The following SLC23A2 variants were observed in gnomAD, a reference collection of about 807,000 sequenced individuals.
SLC23A2 encodes the protein solute carrier family 23 member 2.
Under a neutral mutation model 73.3 loss-of-function variants are expected in SLC23A2, and 36 were observed. That is an observed-to-expected ratio of 0.49 (90% CI 0.38 to 0.65). The LOEUF is 0.65. SLC23A2 is among the 30% of genes least tolerant of loss of function. The pLI, the probability that SLC23A2 is intolerant of heterozygous loss-of-function variation, is 0.00. For synonymous variants in SLC23A2, 343 were observed against 327.3 expected, an observed-to-expected ratio of 1.05 and a Z score of -0.52; for missense variants, 507 against 841.6, an observed-to-expected ratio of 0.60 and a Z score of 4.92.
Position 4,853,510 on chromosome 20 carries a change from A to G in SLC23A2, c.*3462T>C, listed in dbSNP as rs1045890956. 1 of 152,696 alleles carries G rather than the reference A, an allele frequency of 6.5e-6. No individual in the cohort carries two copies. Among genetic ancestry groups the G allele is most frequent in the African/African-American group, 2.4e-5 (1 of 41,468 alleles). 9.5% of individuals were successfully genotyped at this position (152,696 alleles called of 1,614,324 possible). A position where few individuals can be genotyped will look rare whatever the true frequency, so the allele number is the denominator to read the frequency against. ...GTATGGGTAAATAAAGTATACACACATACTAGAGATTCATCAATGGAGAAA... is the reference window on the plus strand; with the variant it reads ...GTATGGGTAAATAAAGTATACACACGTACTAGAGATTCATCAATGGAGAAA... On this transcript the variant is annotated 3_prime_UTR_variant, in exon 17 of 17. Coordinates refer to ENST00000338244, the MANE Select transcript of SLC23A2 (RefSeq NM_005116.6).
intron 15 of SLC23A2, among the ~76,000 whole-genome samples, chr20:4,861,107 T>C (rs1929948740): frequency 6.6e-6 from 1 of 152,148 alleles, no homozygotes; most frequent in South Asian, 2.1e-4. Context: ...ACATGCTAAG[T>C]GAAGGAAGCC....
At chr20:4,946,093 C>T (rs1316800510) in intron 2 of SLC23A2, among the ~76,000 whole-genome samples, 4 of 152,216 alleles carry the variant, frequency 2.6e-5, no homozygotes, top group African/African-American at 9.7e-5. Flanking sequence ...AATGTGCCAT[C>T]TCAGCCTTCT....
At chr20:4,876,464 C>T (rs942987426) in intron 9 of SLC23A2, among the ~76,000 whole-genome samples, 7 of 152,118 alleles carry the variant, frequency 4.6e-5, no homozygotes, top group Non-Finnish European at 8.8e-5. Flanking sequence ...TATTTTTATT[C>T]TCAAATACAC....
chr20:4,870,563 C>T (rs184668729), intron 11 of SLC23A2, among the ~76,000 whole-genome samples: 23 of 150,154 alleles, frequency 1.5e-4, no homozygotes, highest in East Asian at 1.2e-3. Context: ...GGTGATAGAG[C>T]GAGACTCCAT....
intron 3 of SLC23A2, among the ~76,000 whole-genome samples, chr20:4,913,813 G>GTTA (rs2122897649): frequency 6.6e-6 from 1 of 151,976 alleles, no homozygotes; most frequent in Non-Finnish European, 1.5e-5. Flanking sequence ...TATTAGTAGA[G>GTTA]ACGGGGTTTC....
At chr20:4,958,706 G>A (rs2087331546) in intron 2 of SLC23A2, among the ~76,000 whole-genome samples, 2 of 151,812 alleles carry the variant, frequency 1.3e-5, no homozygotes, top group Admixed American at 1.3e-4. Flanking sequence ...GGGATTATAG[G>A]TGTGAGCCAC....
In SLC23A2 at chr20:4,867,855, A is replaced by G; in HGVS notation, c.1271T>C (p.Leu424Pro). The part of the protein sequence containing the change: ...AINRGIFVEG[L>P]SCVLDGIFGT... ...AAATATGCCATCAAGAACACAGGAGAGGCCTTCCACGAAAATTCCCCTAAG... is the reference window on the plus strand; with the variant it reads ...AAATATGCCATCAAGAACACAGGAGGGGCCTTCCACGAAAATTCCCCTAAG... Residue 424 changes from leucine to proline, a missense_variant, in exon 13 of 17, where the codon CTC (leucine) becomes CCC (proline). Leu to Pro is a moderately conservative substitution (Grantham distance 98). This residue lies in a region of SLC23A2 where 168 missense variants were observed against 302.3 expected (regional missense o/e 0.56). Transcript: ENST00000338244. 1 of 1,607,348 alleles carries G rather than the reference A, an allele frequency of 6.2e-7. No individual in the cohort carries two copies. The highest frequency in any genetic ancestry group is 8.5e-7 in the Non-Finnish European group (1 of 1,174,080).
In SLC23A2 at chr20:4,862,609, A is replaced by T. The variant is rs1930013080; in HGVS notation, c.1486+169T>A. ...TATTGTTGGTTCCATATTTAATATAAATTCAACTCAGAGAGTGATAAAAGT... is the reference window on the plus strand; with the variant it reads ...TATTGTTGGTTCCATATTTAATATATATTCAACTCAGAGAGTGATAAAAGT... On this transcript the variant is annotated intron_variant, in intron 14 of 16. Transcript: ENST00000338244. The surrounding 1 kb of genome is among the most constrained non-coding windows in gnomAD (Gnocchi z 5.1). Among the ~76,000 whole-genome samples, 1 of 152,228 alleles carries T rather than the reference A, an allele frequency of 6.6e-6. No individual in the cohort carries two copies. Among genetic ancestry groups the T allele is most frequent in the African/African-American group, 2.4e-5 (1 of 41,464 alleles).
chr20:4,893,195 C>A (rs1338728497), intron 6 of SLC23A2, among the ~76,000 whole-genome samples: 1 of 152,038 alleles, frequency 6.6e-6, no homozygotes, highest in East Asian at 1.9e-4. Flanking sequence ...TCTCAAGTAG[C>A]TGGGACCACA....
intron 1 of SLC23A2, among the ~76,000 whole-genome samples, chr20:4,995,845 C>G (rs115174411): frequency 7.7e-4 from 117 of 152,278 alleles, no homozygotes; most frequent in African/African-American, 2.8e-3. Context: ...GACTGATCAA[C>G]GTGAAAGAAC....
chr20:4,859,243 T>TAAAAAAAAA, intron 16 of SLC23A2, 46 bp downstream of exon 16: 1 of 1,075,570 alleles, frequency 9.3e-7, no homozygotes. Flanking sequence ...AACACATATG[T>TAAAAAAAAA]TAAAAAATAA....
At chr20:4,987,778 G>T (rs2087855905) in intron 1 of SLC23A2, among the ~76,000 whole-genome samples, 2 of 151,744 alleles carry the variant, frequency 1.3e-5, no homozygotes, top group East Asian at 3.9e-4. Flanking sequence ...AACTCTGGAG[G>T]CGGAGCTTGC....
At chr20:5,010,013 T>A (rs1447574155) in intron 1 of SLC23A2, among the ~76,000 whole-genome samples, 1 of 146,976 alleles carries the variant, frequency 6.8e-6, no homozygotes, top group African/African-American at 2.5e-5. Context: ...GAGAATGGAC[T>A]GAACCCGGGA....
intron 3 of SLC23A2, 111 bp from the exon 4 acceptor site, chr20:4,913,089 G>C (rs1932215125): frequency 1.4e-6 from 1 of 740,598 alleles, no homozygotes; most frequent in Non-Finnish European, 2.4e-6. Flanking sequence ...GGTTTTGATG[G>C]AGAAACATAC....
chr20:4,869,924 G>T lies in SLC23A2; in HGVS notation c.1232C>A (p.Pro411His). The T allele has an allele frequency of 6.2e-7, 1 of 1,600,324 alleles. No homozygotes were observed. The highest frequency in any genetic ancestry group is 8.6e-7 in the Non-Finnish European group (1 of 1,168,122). ...CARLSCAPPP[P>H]IHAINRGIFV... ...AACGTACCTGTTTATTGCGTGGATG[G>T]GGGGGGGTGGGGCACAGGACAGCCG... The change falls in exon 12 of 17, where the codon CCC (proline) becomes CAC (histidine). Residue 411 changes from proline to histidine, a missense_variant. Pro to His is a moderately conservative substitution (Grantham distance 77). Coordinates refer to ENST00000338244, the MANE Select transcript of SLC23A2 (RefSeq NM_005116.6).
In SLC23A2 at chr20:4,902,431, A is replaced by G. The variant is rs1213064684; in HGVS notation, c.324+11T>C. On this transcript the variant is annotated intron_variant, in intron 5 of 16. Transcript: ENST00000338244. This position sits in a 1 kb window ranked among gnomAD's most constrained non-coding sequence, Gnocchi z 4.0. The stretch of plus-strand genomic sequence containing the variant: ...TGCTGGTAGTTACACATCCTACAGG[A>G]ACCATCTTACCTGTAGCCCCAGAAA... 13 of 1,398,952 alleles carry G rather than the reference A, an allele frequency of 9.3e-6. No individual in the cohort carries two copies. The highest frequency in any genetic ancestry group is 1.3e-5 in the Non-Finnish European group (13 of 991,412). 86.7% of individuals were successfully genotyped at this position (1,398,952 alleles called of 1,614,324 possible).
intron 1 of SLC23A2, among the ~76,000 whole-genome samples, chr20:4,975,196 C>T (rs2122238461): frequency 6.6e-6 from 1 of 152,198 alleles, no homozygotes; most frequent in South Asian, 2.1e-4. Flanking sequence ...TAGTTATTTC[C>T]CAGCCTTCCT....
intron 2 of SLC23A2, among the ~76,000 whole-genome samples, chr20:4,945,031 T>C (rs1409918934): frequency 1.3e-5 from 2 of 151,932 alleles, no homozygotes; most frequent in Non-Finnish European, 2.9e-5. Flanking sequence ...CTTCAACTTG[T>C]ATATGATCAA....
chr20:5,001,230 CG>C (rs1452102559), intron 1 of SLC23A2, among the ~76,000 whole-genome samples, 175 bp downstream of exon 1: 2 of 140,142 alleles, frequency 1.4e-5, no homozygotes, highest in Admixed American at 7.0e-5. Context: ...CCGGCGGGCG[CG>C]GGGTCCCGGG....
Sources: gnomAD v4.1 joint callset for allele counts (sites outside exome capture counted in the v4.1 genomes callset) on GRCh38, gnomAD v4.1.1 for gene constraint, gnomAD v4.1.1 regional missense constraint, Gnocchi (gnomAD v3.1) non-coding constraint, MANE v1.5 for transcripts, NCBI Gene and HGNC (gene_info 2026-07-23, HGNC 2026-07-21) for gene names.